The following NALF1 variants were observed in gnomAD, a reference collection of about 807,000 sequenced individuals.
The protein encoded by NALF1 is family with sequence similarity 155 member A.
NALF1 carries 3 observed loss-of-function variants against 48.4 expected under a neutral mutation model. That is an observed-to-expected ratio of 0.06 (90% CI 0.03 to 0.16). The LOEUF is 0.16. Among genes scored for constraint, NALF1 ranks in the 10% least tolerant of loss-of-function variants. NALF1 has a pLI of 1.00. For synonymous variants in NALF1, 262 were observed against 245.7 expected (o/e 1.07, Z -0.62); for missense variants, 526 against 571.5 (o/e 0.92, Z 0.81).
At chr13:107,636,065 C>T (rs547455251) in intron 1 of NALF1, among the ~76,000 whole-genome samples, 1 of 152,188 alleles carries the variant, frequency 6.6e-6, no homozygotes, top group African/African-American at 2.4e-5. Context: ...GTAATTGCGG[C>T]TTTTGCCACT....
At chr13:107,337,407 T>C (rs1254955799) in intron 1 of NALF1, among the ~76,000 whole-genome samples, 1 of 152,214 alleles carries the variant, frequency 6.6e-6, no homozygotes, top group Non-Finnish European at 1.5e-5. Context: ...CTCTTTTTTC[T>C]TTTAAATGTA....
chr13:107,170,307 C>T lies in NALF1; in HGVS notation c.*190G>A. The T allele has an allele frequency of 1.9e-6, 1 of 535,494 alleles. No homozygotes were observed. The highest frequency in any genetic ancestry group is 3.3e-6 in the Non-Finnish European group (1 of 304,576). 33.2% of individuals were successfully genotyped at this position (535,494 alleles called of 1,614,324 possible). On this transcript the variant is annotated 3_prime_UTR_variant, in exon 3 of 3. Coordinates refer to ENST00000375915, the MANE Select transcript of NALF1 (RefSeq NM_001080396.3). Reference sequence around the variant, plus strand: ...GTGTGAGAAATTTAAAGTCACTTTCCAGCCTTTTAGTCAATAAAAAGCTGT... The same window carrying T: ...GTGTGAGAAATTTAAAGTCACTTTCTAGCCTTTTAGTCAATAAAAAGCTGT...
intron 1 of NALF1, among the ~76,000 whole-genome samples, chr13:107,430,813 C>A (rs1220131163): frequency 6.6e-6 from 1 of 152,002 alleles, no homozygotes; most frequent in African/African-American, 2.4e-5. Context: ...GGGTATATAC[C>A]CAGTAATGGG....
At chr13:107,685,560 AT>A (rs200355128) in intron 1 of NALF1, among the ~76,000 whole-genome samples, 1,698 of 148,408 alleles carry the variant, frequency 0.011, 33 homozygotes, top group African/African-American at 0.041. Flanking sequence ...ATAGAAAAAC[AT>A]ATGTTGGAAT....
chr13:107,671,222 T>G (rs892860352), intron 1 of NALF1, among the ~76,000 whole-genome samples: 1 of 152,142 alleles, frequency 6.6e-6, no homozygotes, highest in Non-Finnish European at 1.5e-5. Flanking sequence ...ATAATATATC[T>G]TGTGAACTCA....
At chr13:107,417,194 G>A (rs1322344585) in intron 1 of NALF1, among the ~76,000 whole-genome samples, 1 of 152,110 alleles carries the variant, frequency 6.6e-6, no homozygotes, top group Admixed American at 6.5e-5. Flanking sequence ...GTTTTTTCCT[G>A]AAGCTAGGCT....
intron 2 of NALF1, among the ~76,000 whole-genome samples, chr13:107,187,167 G>T (rs1469105537): frequency 6.6e-6 from 1 of 152,058 alleles, no homozygotes; most frequent in African/African-American, 2.4e-5. Flanking sequence ...GAATAATCCT[G>T]GGTAATCTCT....
At chr13:107,510,920 T>C (rs995604226) in intron 1 of NALF1, among the ~76,000 whole-genome samples, 1 of 152,190 alleles carries the variant, frequency 6.6e-6, no homozygotes. Flanking sequence ...ATAAGATTTA[T>C]TAAGATTCTC....
At chr13:107,850,270 T>C (rs1252264102) in intron 1 of NALF1, among the ~76,000 whole-genome samples, 2 of 151,556 alleles carry the variant, frequency 1.3e-5, no homozygotes, top group Admixed American at 6.6e-5. Flanking sequence ...TCTCCACATA[T>C]CAAATTAAAA....
At chr13:107,794,091 T>C (rs989827120) in intron 1 of NALF1, among the ~76,000 whole-genome samples, 11 of 152,208 alleles carry the variant, frequency 7.2e-5, no homozygotes, top group African/African-American at 2.4e-4. Flanking sequence ...GTTAAATGTC[T>C]TATTTATGTA....
chr13:107,603,970 G>T (rs905965364), intron 1 of NALF1, among the ~76,000 whole-genome samples: 3 of 152,098 alleles, frequency 2.0e-5, no homozygotes, highest in Admixed American at 6.5e-5. Flanking sequence ...TTAACTCAAA[G>T]AATTTATTTT....
intron 1 of NALF1, among the ~76,000 whole-genome samples, chr13:107,461,151 G>A (rs1187235515): frequency 1.3e-5 from 2 of 151,938 alleles, no homozygotes; most frequent in African/African-American, 4.8e-5. Context: ...CCAAGCTATG[G>A]ATTAAACCCA....
chr13:107,830,091 T>C (rs1448726304), intron 1 of NALF1, among the ~76,000 whole-genome samples: 1 of 152,150 alleles, frequency 6.6e-6, no homozygotes, highest in Non-Finnish European at 1.5e-5. Flanking sequence ...GTAGGAAAAC[T>C]ACACTGAGAA....
chr13:107,294,861 T>C (rs1881694831), intron 1 of NALF1, among the ~76,000 whole-genome samples: 1 of 152,214 alleles, frequency 6.6e-6, no homozygotes, highest in Admixed American at 6.5e-5. Flanking sequence ...ATCGAGAGGA[T>C]GAAAATGAGA....
At chr13:107,604,160 A>T (rs992007057) in intron 1 of NALF1, among the ~76,000 whole-genome samples, 2 of 152,166 alleles carry the variant, frequency 1.3e-5, no homozygotes, top group African/African-American at 4.8e-5. Context: ...TAAGTCAGTG[A>T]CCTTTAGATC....
At chr13:107,402,835 G>A (rs1193053537) in intron 1 of NALF1, among the ~76,000 whole-genome samples, 1 of 152,096 alleles carries the variant, frequency 6.6e-6, no homozygotes, top group Admixed American at 6.6e-5. Flanking sequence ...TTAACAGGGT[G>A]TCTGAAATTA....
chr13:107,326,484 C>T (rs1204650166), intron 1 of NALF1, among the ~76,000 whole-genome samples: 1 of 152,104 alleles, frequency 6.6e-6, no homozygotes, highest in Non-Finnish European at 1.5e-5. Flanking sequence ...AATTCTTAGA[C>T]CAATTCTCCA....
intron 1 of NALF1, among the ~76,000 whole-genome samples, chr13:107,481,308 C>T (rs1885250467): frequency 1.3e-5 from 2 of 151,960 alleles, no homozygotes; most frequent in Admixed American, 6.6e-5. Flanking sequence ...CCTAAAATGC[C>T]GAATAAATGA....
At chr13:107,406,651 C>T (rs779133547) in intron 1 of NALF1, among the ~76,000 whole-genome samples, 2 of 151,798 alleles carry the variant, frequency 1.3e-5, no homozygotes, top group Non-Finnish European at 2.9e-5. Context: ...AATAGAATGC[C>T]ATTCTTTACA....
Sources: allele counts gnomAD v4.1 joint callset (sites outside exome capture counted in the v4.1 genomes callset), GRCh38; gene constraint gnomAD v4.1.1; transcripts MANE v1.5; gene names NCBI Gene and HGNC (gene_info 2026-07-23, HGNC 2026-07-21).